JMJD1C: variants seen among roughly 807,000 people sequenced by gnomAD.
JMJD1C encodes jumonji domain containing 1C.
A neutral mutation model predicts 245.3 loss-of-function variants in JMJD1C; 31 were observed. That is an observed-to-expected ratio of 0.13 (90% CI 0.09 to 0.17). The LOEUF is 0.17. Ranked by LOEUF, JMJD1C falls within the 10% of genes least tolerant of loss-of-function variation. The pLI is 1.00. For synonymous variants in JMJD1C, 1,057 were observed against 1,017.4 expected (o/e 1.04, Z -0.74); for missense variants, 2,691 against 3,000.2 (o/e 0.90, Z 2.41).
chr10:63,431,611 A>G (rs996794528), intron 1 of JMJD1C, among the ~76,000 whole-genome samples: 3 of 152,188 alleles, frequency 2.0e-5, no homozygotes, highest in African/African-American at 4.8e-5. Flanking sequence ...ATAAGATGTA[A>G]TATTTGAGAT....
Position 63,190,951 on chromosome 10 carries a change from A to T in JMJD1C, c.6234T>A (p.Arg2078=), listed in dbSNP as rs905897779. 2 of 1,613,950 alleles carry T rather than the reference A, an allele frequency of 1.2e-6. No individual in the cohort carries two copies. The highest frequency in any genetic ancestry group is 2.7e-5 in the African/African-American group (2 of 74,924). ...DLLTTTAGKL[R]VGSTDAGIAF... ...CAATGCCAGCATCTGTAGACCCCAC[A>T]CGTAGCTTTCCAGCTGTTGTAGTCA... is the stretch of plus-strand genomic sequence containing the variant. The change falls in exon 17 of 26, where the codon CGT becomes CGA. Residue 2078 remains arginine (R), a synonymous_variant. Transcript: ENST00000399262.
intron 3 of JMJD1C, among the ~76,000 whole-genome samples, chr10:63,220,363 AATAG>A (rs1848457330): frequency 6.6e-6 from 1 of 152,230 alleles, no homozygotes; most frequent in Non-Finnish European, 1.5e-5. Flanking sequence ...TTTGAATGAC[AATAG>A]ATACATACAC....
intron 3 of JMJD1C, among the ~76,000 whole-genome samples, chr10:63,255,367 C>A (rs536268309): frequency 3.9e-5 from 6 of 152,062 alleles, no homozygotes; most frequent in Non-Finnish European, 8.8e-5. Context: ...GGAGCGGGGA[C>A]AGGTAGGTGA....
intron 10 of JMJD1C, among the ~76,000 whole-genome samples, chr10:63,206,040 T>C (rs950937664): frequency 5.9e-5 from 9 of 152,178 alleles, no homozygotes; most frequent in Admixed American, 4.6e-4. Context: ...GACTGTACTA[T>C]GCTATTTTAT....
At chr10:63,426,822 G>A (rs1950468892) in intron 1 of JMJD1C, among the ~76,000 whole-genome samples, 1 of 152,116 alleles carries the variant, frequency 6.6e-6, no homozygotes, top group African/African-American at 2.4e-5. Context: ...TCTAGTGTAA[G>A]ATAATATTTT....
intron 1 of JMJD1C, among the ~76,000 whole-genome samples, chr10:63,419,834 TAA>T (rs34006135): frequency 0.14 from 16,077 of 114,276 alleles, 1,133 homozygotes; most frequent in East Asian, 0.32. Flanking sequence ...CTCCATGAAA[TAA>T]AAAAAAAAAA....
chr10:63,264,614 A>C, intron 3 of JMJD1C, 37 bp downstream of exon 3: 1 of 886,600 alleles, frequency 1.1e-6, no homozygotes, highest in South Asian at 1.5e-5. Context: ...AAGTTTAATT[A>C]ACCTTTAATT....
Position 63,168,020 on chromosome 10 carries a change from C to T in JMJD1C, c.*25G>A. On this transcript the variant is annotated 3_prime_UTR_variant, in exon 26 of 26. Coordinates refer to ENST00000399262, the MANE Select transcript of JMJD1C (RefSeq NM_032776.3). ...GGTTAAGTAATCCCAGTTCAACAAC[C>T]TAAAAATATCAAACTGGATCACACT... 7.4e-7 allele frequency: 1 copy of T among 1,351,806 alleles called. No individual in the cohort carries two copies. The highest frequency in any genetic ancestry group is 1.1e-6 in the Non-Finnish European group (1 of 942,192). The allele number at this position is 1,351,806 out of a possible 1,614,324, so 83.7% of individuals were successfully genotyped here.
At chr10:63,311,615 G>A (rs1939208253) in intron 2 of JMJD1C, among the ~76,000 whole-genome samples, 2 of 152,108 alleles carry the variant, frequency 1.3e-5, no homozygotes, top group Non-Finnish European at 2.9e-5. Flanking sequence ...TCGAAATCAT[G>A]AAAGCAAGTA....
chr10:63,428,744 A>C (rs953616970), intron 1 of JMJD1C, among the ~76,000 whole-genome samples: 1 of 152,212 alleles, frequency 6.6e-6, no homozygotes, highest in African/African-American at 2.4e-5. Flanking sequence ...CAAAAATGCT[A>C]ATTGTTCAAT....
intron 1 of JMJD1C, among the ~76,000 whole-genome samples, chr10:63,452,560 C>T (rs1293593480): frequency 6.6e-6 from 1 of 152,152 alleles, no homozygotes; most frequent in Non-Finnish European, 1.5e-5. Flanking sequence ...ACCATATGAT[C>T]CAGCAATTCC....
intron 3 of JMJD1C, among the ~76,000 whole-genome samples, chr10:63,250,506 A>G (rs1304365299): frequency 1.3e-5 from 2 of 152,118 alleles, no homozygotes; most frequent in East Asian, 1.9e-4. Context: ...GAGCCTCACA[A>G]TGCTTCCCAA....
chr10:63,184,828 C>T, intron 20 of JMJD1C, 90 bp from the exon 21 acceptor site: 2 of 1,209,504 alleles, frequency 1.7e-6, no homozygotes, highest in Non-Finnish European at 2.3e-6. Flanking sequence ...TTCAAAACAG[C>T]AGACTACCTT....
chr10:63,218,875 A>G (rs553646620), intron 4 of JMJD1C, among the ~76,000 whole-genome samples: 9 of 152,204 alleles, frequency 5.9e-5, no homozygotes, highest in Admixed American at 1.3e-4. Context: ...TTCGACGTTT[A>G]TAAGACAAAT....
intron 2 of JMJD1C, among the ~76,000 whole-genome samples, chr10:63,335,048 A>C (rs7907423): frequency 0.86 from 120,020 of 140,150 alleles, 52,193 homozygotes; most frequent in African/African-American, 0.96. Flanking sequence ...AAAAAAAAAT[A>C]TTGTTCCTAA....
rs374460193 is a variant in JMJD1C, at chr10:63,434,022, C to T, written c.168+31473G>A. Among the ~76,000 whole-genome samples the T allele has an allele frequency of 5.3e-5, 8 of 151,742 alleles. 1 individual carries two copies. The highest frequency in any genetic ancestry group is 3.9e-4 in the East Asian group (2 of 5,178). On this transcript the variant is annotated intron_variant, in intron 1 of 25. Coordinates refer to ENST00000399262, the MANE Select transcript of JMJD1C (RefSeq NM_032776.3). ...TGCAAACAAAATATTACAGTATAAA[C>T]GTATCAAGAGAAATCCCAAATCCAG...
At chr10:63,351,822 C>T (rs777286180) in intron 2 of JMJD1C, among the ~76,000 whole-genome samples, 6 of 152,108 alleles carry the variant, frequency 3.9e-5, no homozygotes, top group African/African-American at 7.2e-5. Context: ...CCTTGAATGC[C>T]GTAACCACAA....
chr10:63,332,353 T>A (rs1589501669), intron 2 of JMJD1C, among the ~76,000 whole-genome samples: 1 of 152,220 alleles, frequency 6.6e-6, no homozygotes, highest in Non-Finnish European at 1.5e-5. Flanking sequence ...CAACTCTATA[T>A]TGATATAACC....
Position 63,185,462 on chromosome 10 carries a change from G to T in JMJD1C, c.6830+101C>A, listed in dbSNP as rs906648717. 4.0e-6 allele frequency: 3 copies of T among 742,606 alleles called. No homozygotes were observed. The African/African-American group carries it at 5.3e-5, about 13-fold the overall frequency. 46.0% of individuals were successfully genotyped at this position (742,606 alleles called of 1,614,324 possible). The stretch of plus-strand genomic sequence containing the variant: ...AAGTTATTTATTTTTAATTGAGAAA[G>T]AAAAAGCCTACAGGTCACATTTACG... On this transcript the variant is annotated intron_variant, in intron 20 of 25. Coordinates refer to ENST00000399262, the MANE Select transcript of JMJD1C (RefSeq NM_032776.3).
Sources: gnomAD v4.1 joint callset for allele counts (sites outside exome capture counted in the v4.1 genomes callset) on GRCh38, gnomAD v4.1.1 for gene constraint, MANE v1.5 for transcripts, NCBI Gene and HGNC (gene_info 2026-07-23, HGNC 2026-07-21) for gene names.